CSNK2A2IP: variants seen among roughly 807,000 people sequenced by gnomAD.
CSNK2A2IP encodes the protein casein kinase II subunit alpha'-interacting protein.
the CSNK2A2IP span, among the ~76,000 whole-genome samples, chr3:88,347,512 A>G: frequency 6.6e-6 from 1 of 152,094 alleles, no homozygotes; most frequent in South Asian, 2.1e-4. Flanking sequence ...CAGCAAAAAC[A>G]TTCCCATTCA....
the CSNK2A2IP span, among the ~76,000 whole-genome samples, chr3:88,445,912 T>A: frequency 6.7e-6 from 1 of 149,566 alleles, no homozygotes; most frequent in Non-Finnish European, 1.5e-5. Flanking sequence ...TCTTTCTTCT[T>A]TCTCTCTTTC....
At chr3:88,378,199 C>T in the CSNK2A2IP span, among the ~76,000 whole-genome samples, 1 of 151,898 alleles carries the variant, frequency 6.6e-6, no homozygotes, top group Non-Finnish European at 1.5e-5. Flanking sequence ...CCTTTATTGT[C>T]TCATCAGTAA....
At chr3:88,418,384 T>C in the CSNK2A2IP span, among the ~76,000 whole-genome samples, 165 of 152,144 alleles carry the variant, frequency 1.1e-3, 1 homozygote, top group Non-Finnish European at 2.0e-3. Context: ...TAATTAGGAC[T>C]GTCTTTATGC....
the CSNK2A2IP span, among the ~76,000 whole-genome samples, chr3:88,427,978 C>A: frequency 6.6e-6 from 1 of 152,084 alleles, no homozygotes; most frequent in Non-Finnish European, 1.5e-5. Flanking sequence ...GCACCATGCG[C>A]CTGGAAAAGC....
the CSNK2A2IP span, among the ~76,000 whole-genome samples, chr3:88,420,274 A>T: frequency 6.6e-6 from 1 of 152,202 alleles, no homozygotes; most frequent in Non-Finnish European, 1.5e-5. Flanking sequence ...TGTCAGTTCC[A>T]AGAAAAATAT....
the CSNK2A2IP span, among the ~76,000 whole-genome samples, chr3:88,394,556 T>G: frequency 1.2e-3 from 186 of 152,278 alleles, no homozygotes; most frequent in African/African-American, 3.2e-3. Context: ...TATTTTTTAG[T>G]AGAAACGGGG....
chr3:88,406,836 G>A, the CSNK2A2IP span, among the ~76,000 whole-genome samples: 2 of 152,122 alleles, frequency 1.3e-5, no homozygotes, highest in African/African-American at 4.8e-5. Context: ...GCGGCAGACC[G>A]ATGTAGCCAT....
At chr3:88,465,102 G>A in the CSNK2A2IP span, 2 of 315,608 alleles carry the variant, frequency 6.3e-6, no homozygotes, top group East Asian at 1.0e-4. Context: ...TATTTACTCA[G>A]GAGAAAAAAG....
chr3:88,340,187 G>A, the CSNK2A2IP span, among the ~76,000 whole-genome samples: 2 of 151,826 alleles, frequency 1.3e-5, no homozygotes, highest in Non-Finnish European at 2.9e-5. Flanking sequence ...AAAAGAAATG[G>A]GTACGGAGGT....
the CSNK2A2IP span, among the ~76,000 whole-genome samples, chr3:88,461,372 T>C: frequency 6.6e-6 from 1 of 151,594 alleles, no homozygotes; most frequent in South Asian, 2.1e-4. Context: ...GCTAACACGG[T>C]GAAACCCCGT....
At chr3:88,424,494 A>G in the CSNK2A2IP span, among the ~76,000 whole-genome samples, 118 of 152,336 alleles carry the variant, frequency 7.7e-4, 1 homozygote, top group African/African-American at 2.7e-3. Context: ...AATAAGTTCT[A>G]AAAATTTATA....
At chr3:88,458,893 CTTG>C in the CSNK2A2IP span, among the ~76,000 whole-genome samples, 1 of 152,152 alleles carries the variant, frequency 6.6e-6, no homozygotes, top group African/African-American at 2.4e-5. Flanking sequence ...TTTATTGACA[CTTG>C]TTGTATGGTT....
chr3:88,417,968 C>G, the CSNK2A2IP span, among the ~76,000 whole-genome samples: 1 of 152,042 alleles, frequency 6.6e-6, no homozygotes, highest in Admixed American at 6.6e-5. Context: ...AAGAAATCTG[C>G]TTTGAAAAAT....
At chr3:88,442,530 A>G in the CSNK2A2IP span, among the ~76,000 whole-genome samples, 1 of 152,168 alleles carries the variant, frequency 6.6e-6, no homozygotes, top group African/African-American at 2.4e-5. Context: ...TTGTTTTATA[A>G]TAATAAGAAT....
chr3:88,351,722 T>C, the CSNK2A2IP span, among the ~76,000 whole-genome samples: 1 of 152,156 alleles, frequency 6.6e-6, no homozygotes, highest in East Asian at 1.9e-4. Flanking sequence ...TAACTCCCCA[T>C]TTTCCTATGA....
chr3:88,395,166 A>G, the CSNK2A2IP span, among the ~76,000 whole-genome samples: 4 of 152,198 alleles, frequency 2.6e-5, no homozygotes, highest in South Asian at 8.3e-4. Context: ...AGTTTTTGTT[A>G]ATGGTGTAAT....
chr3:88,409,456 C>G, the CSNK2A2IP span, among the ~76,000 whole-genome samples: 1 of 151,856 alleles, frequency 6.6e-6, no homozygotes, highest in Non-Finnish European at 1.5e-5. Context: ...CTGTTACATG[C>G]GAAAATGATT....
chr3:88,342,331 C>A, the CSNK2A2IP span, among the ~76,000 whole-genome samples: 1 of 152,036 alleles, frequency 6.6e-6, no homozygotes, highest in Non-Finnish European at 1.5e-5. Context: ...TCATGGCCCA[C>A]ACCTGTGCCA....
chr3:88,371,336 G>A, the CSNK2A2IP span, among the ~76,000 whole-genome samples: 1 of 151,430 alleles, frequency 6.6e-6, no homozygotes, highest in Non-Finnish European at 1.5e-5. Context: ...GAGTAAACAG[G>A]GAATTTAATA....
Sources: gnomAD v4.1 joint callset for allele counts (sites outside exome capture counted in the v4.1 genomes callset) on GRCh38, gnomAD v4.1.1 for gene constraint, MANE v1.5 for transcripts, NCBI Gene and HGNC (gene_info 2026-07-23, HGNC 2026-07-21) for gene names.